Variants in VSX2 observed in about 807,000 individuals in gnomAD.
VSX2 encodes the protein visual system homeobox 2.
Under a neutral mutation model 32.1 loss-of-function variants are expected in VSX2, and 28 were observed. The ratio of observed to expected loss-of-function variants is 0.87; its 90% confidence interval spans 0.65 to 1.20. The LOEUF (loss-of-function observed/expected upper bound fraction) is 1.20. Among genes scored for constraint, VSX2 ranks in the 50% most tolerant of loss-of-function variants. The pLI, the probability that VSX2 is intolerant of heterozygous loss-of-function variation, is 0.00. For missense variants in VSX2, 506 were observed against 488.7 expected (o/e 1.04, Z -0.33); for synonymous variants, 243 against 214.1 (o/e 1.14, Z -1.18).
At chr14:74,243,075 T>C (rs373107047) in intron 2 of VSX2, among the ~76,000 whole-genome samples, 2 of 152,204 alleles carry the variant, frequency 1.3e-5, no homozygotes. Flanking sequence ...GGAGAATGGC[T>C]ACGGATTTCA....
At position 74,260,988 on chromosome 14, in the gene VSX2, GCTCT is replaced by G. The variant is rs2079303499; in HGVS notation, c.*72_*75del. ...CTCGGGCCCTGTGGTGCTGGGAGAT[GCTCT>G]CTGAGGCAAGGCCCAGACCTGGCCT... is the stretch of plus-strand genomic sequence containing the variant. On this transcript the variant is annotated 3_prime_UTR_variant, in exon 5 of 5. Transcript: ENST00000261980. 1 of 1,521,628 alleles carries G rather than the reference GCTCT, an allele frequency of 6.6e-7. No individual in the cohort carries two copies. Among genetic ancestry groups the G allele is most frequent in the African/African-American group, 1.4e-5 (1 of 72,512 alleles). 94.3% of individuals were successfully genotyped at this position (1,521,628 alleles called of 1,614,324 possible).
In VSX2 at chr14:74,260,836, G is replaced by A. The variant is rs751880946; in HGVS notation, c.1003G>A (p.Glu335Lys). The change falls in exon 5 of 5, where the codon GAG becomes AAG. Residue 335 changes from glutamate to lysine, a missense_variant. By Grantham distance (56) the Glu-to-Lys change is moderately conservative. Coordinates refer to ENST00000261980, the MANE Select transcript of VSX2 (RefSeq NM_182894.3). ...SGPDSLARST[E>K]KPEEEEAMDE... Reference sequence around the variant, plus strand: ...GCCGGACAGCCTGGCCCGGAGTACCGAGAAGCCAGAGGAGGAGGAGGCCAT... The same window carrying A: ...GCCGGACAGCCTGGCCCGGAGTACCAAGAAGCCAGAGGAGGAGGAGGCCAT... The A allele has an allele frequency of 1.1e-5, 18 of 1,566,298 alleles. No homozygotes were observed. The highest frequency in any genetic ancestry group is 4.8e-5 in the East Asian group (2 of 42,052).
intron 3 of VSX2, among the ~76,000 whole-genome samples, chr14:74,247,868 C>T (rs1247855715): frequency 3.3e-5 from 5 of 151,866 alleles, no homozygotes; most frequent in South Asian, 2.1e-4. Flanking sequence ...AAATTCTGTA[C>T]ATGAATTCAA....
Position 74,242,987 on chromosome 14 carries a change from G to A in VSX2, c.455+1721G>A, listed in dbSNP as rs141478583. ...GGTGGGTTTTCATGGGGGCAGAACA[G>A]CAACTCACCAACACTCGGGTATTAA... is the stretch of plus-strand genomic sequence containing the variant. On this transcript the variant is annotated intron_variant, in intron 2 of 4. Transcript: ENST00000261980. Among the ~76,000 whole-genome samples the A allele has an allele frequency of 3.8e-3, 586 of 152,280 alleles. 2 individuals carry two copies. The highest frequency in any genetic ancestry group is 0.02 in the Middle Eastern group (6 of 294).
rs777938853 is a variant in VSX2, at chr14:74,239,549, A to G, written c.-13A>G. 5.2e-6 allele frequency: 8 copies of G among 1,550,826 alleles called. No homozygotes were observed. The highest frequency in any genetic ancestry group is 7.0e-6 in the Non-Finnish European group (8 of 1,146,922). ...AAAGACCTGCGGCCTCAGCCCCTCCAAAGAACAGGGAGATGACGGGGAAAG... is the reference window on the plus strand; with the variant it reads ...AAAGACCTGCGGCCTCAGCCCCTCCGAAGAACAGGGAGATGACGGGGAAAG... On this transcript the variant is annotated 5_prime_UTR_variant, in exon 1 of 5. Coordinates refer to ENST00000261980, the MANE Select transcript of VSX2 (RefSeq NM_182894.3).
chr14:74,259,816 T>A, intron 4 of VSX2, 34 bp downstream of exon 4: 1 of 1,190,866 alleles, frequency 8.4e-7, no homozygotes, highest in Non-Finnish European at 1.2e-6. Flanking sequence ...GGTCCTGCCC[T>A]GCGGTGAGGA....
intron 3 of VSX2, among the ~76,000 whole-genome samples, chr14:74,259,371 A>T (rs1391552394): frequency 6.6e-6 from 1 of 151,698 alleles, no homozygotes; most frequent in Non-Finnish European, 1.5e-5. Flanking sequence ...CCTGTCCAGG[A>T]AGCATCCATA....
Position 74,260,903 on chromosome 14 carries a change from T to A in VSX2, c.1070T>A (p.Leu357Gln). The A allele has an allele frequency of 6.4e-7, 1 of 1,559,968 alleles. No individual in the cohort carries two copies. The change falls in exon 5 of 5, where the codon CTG (leucine) becomes CAG (glutamine). Residue 357 changes from leucine to glutamine, a missense_variant. Transcript: ENST00000261980. ...GCGGAGAGGCTCAGTCCACCGCAGC[T>A]GGAGGACATGGCTTAGGTCAAGGCG... ...RPAERLSPPQ[L>Q]EDMA
rs2079299671 is a variant in VSX2 at position 74,260,683 on chromosome 14, G to A, written c.850G>A (p.Glu284Lys). ...GGCCCTGCCCAAGCTCGACAAGATGGAGCAGGACGAGCGGGGCCCCGACGC... is the reference window on the plus strand; with the variant it reads ...GGCCCTGCCCAAGCTCGACAAGATGAAGCAGGACGAGCGGGGCCCCGACGC... Reference protein sequence around the residue: ...RQALPKLDKMEQDERGPDAQA... With the variant: ...RQALPKLDKMKQDERGPDAQA... The change falls in exon 5 of 5, where the codon GAG becomes AAG. Residue 284 changes from glutamate to lysine, a missense_variant. Coordinates refer to ENST00000261980, the MANE Select transcript of VSX2 (RefSeq NM_182894.3). The A allele has an allele frequency of 6.3e-7, 1 of 1,597,230 alleles. No homozygotes were observed. Among genetic ancestry groups the A allele is most frequent in the South Asian group, 1.1e-5 (1 of 88,124 alleles).
chr14:74,248,671 A>C (rs1226879378), intron 3 of VSX2, among the ~76,000 whole-genome samples: 4 of 150,970 alleles, frequency 2.6e-5, no homozygotes, highest in Non-Finnish European at 5.9e-5. Context: ...AGCCTGGGTG[A>C]CAGAGTGAGA....
In VSX2 at chr14:74,239,631, G is replaced by C; in HGVS notation, c.70G>C (p.Gly24Arg). 2 of 1,551,122 alleles carry C rather than the reference G, an allele frequency of 1.3e-6. No homozygotes were observed. The highest frequency in any genetic ancestry group is 1.7e-6 in the Non-Finnish European group (2 of 1,146,964). ...GACAGTGGCCAAGAGTACCTCGGGG[G>C]GCGCCCCGGCCAGGTGCACTGGGTT... ...SETVAKSTSG[G>R]APARCTGFGI... Residue 24 changes from glycine (G) to arginine (R), a missense_variant, in exon 1 of 5, where the codon GGC becomes CGC. Physicochemically the swap from Gly to Arg is moderately radical, Grantham distance 125 (BLOSUM62 -2). Coordinates refer to ENST00000261980, the MANE Select transcript of VSX2 (RefSeq NM_182894.3).
chr14:74,247,661 C>T (rs2079201463), intron 3 of VSX2, among the ~76,000 whole-genome samples: 1 of 152,094 alleles, frequency 6.6e-6, no homozygotes, highest in Non-Finnish European at 1.5e-5. Flanking sequence ...ATCGAAAGCC[C>T]ACAGTGGCAC....
Position 74,260,581 on chromosome 14 carries a change from C to T in VSX2, c.761-13C>T, listed in dbSNP as rs1234242485. The stretch of plus-strand genomic sequence containing the variant: ...GCGCTTTTCTAAACCCGAATACCAA[C>T]AATTCTTTCTAGGGATGCACAAAAA... On this transcript the variant is annotated splice_polypyrimidine_tract_variant and intron_variant, in intron 4 of 4. Transcript: ENST00000261980. 1 of 1,592,648 alleles carries T rather than the reference C, an allele frequency of 6.3e-7. No homozygotes were observed. Among genetic ancestry groups the T allele is most frequent in the Admixed American group, 1.8e-5 (1 of 56,524 alleles).
intron 3 of VSX2, among the ~76,000 whole-genome samples, chr14:74,247,428 T>C (rs555531749): frequency 1.4e-3 from 216 of 152,266 alleles, no homozygotes; most frequent in African/African-American, 5.1e-3. Context: ...GGCACCTGCC[T>C]CTTGTGTGGA....
At chr14:74,252,635 C>T (rs1434872723) in intron 3 of VSX2, among the ~76,000 whole-genome samples, 3 of 151,924 alleles carry the variant, frequency 2.0e-5, no homozygotes, top group Non-Finnish European at 2.9e-5. Flanking sequence ...GTGATCCACC[C>T]GACTCGGCCT....
chr14:74,243,212 G>C (rs1045588683), intron 2 of VSX2, among the ~76,000 whole-genome samples: 11 of 152,188 alleles, frequency 7.2e-5, no homozygotes, highest in Non-Finnish European at 1.6e-4. Flanking sequence ...AAACAAACCA[G>C]ACTTAAAAGC....
At chr14:74,249,145 T>TC (rs2079214040) in intron 3 of VSX2, among the ~76,000 whole-genome samples, 1 of 152,250 alleles carries the variant, frequency 6.6e-6, no homozygotes, top group South Asian at 2.1e-4. Flanking sequence ...CTGAAATTAC[T>TC]CATTTGTAAG....
At chr14:74,240,470 T>C (rs2079141794) in intron 1 of VSX2, among the ~76,000 whole-genome samples, 1 of 152,042 alleles carries the variant, frequency 6.6e-6, no homozygotes, top group African/African-American at 2.4e-5. Flanking sequence ...GCGGCCGCCA[T>C]CCTCTCCCAC....
chr14:74,257,915 C>T (rs2079277208), intron 3 of VSX2, among the ~76,000 whole-genome samples: 1 of 152,202 alleles, frequency 6.6e-6, no homozygotes, highest in Non-Finnish European at 1.5e-5. Flanking sequence ...CGCCAGACGG[C>T]AAGCAATTTT....
Sources: allele counts gnomAD v4.1 joint callset (sites outside exome capture counted in the v4.1 genomes callset), GRCh38; gene constraint gnomAD v4.1.1; transcripts MANE v1.5; gene names NCBI Gene and HGNC (gene_info 2026-07-23, HGNC 2026-07-21).